Variants in USP48 observed in about 807,000 individuals in gnomAD.
The protein encoded by USP48 is ubiquitin carboxyl-terminal hydrolase 48.
In USP48, 43 loss-of-function variants were observed where a neutral mutation model predicts 150.7. The observed-to-expected ratio is 0.29, with a 90% CI of 0.22 to 0.37. The LOEUF is 0.37. USP48 is among the 10% of genes least tolerant of loss of function. The pLI is 1.00. For missense variants in USP48, 813 were observed against 1,249.6 expected (o/e 0.65, Z 5.27); for synonymous variants, 396 against 425.9 (o/e 0.93, Z 0.86).
At chr1:21,754,734 A>G (rs1206960040) in intron 3 of USP48, among the ~76,000 whole-genome samples, 2 of 152,120 alleles carry the variant, frequency 1.3e-5, no homozygotes, top group African/African-American at 4.8e-5. Flanking sequence ...ATAGCTTCAC[A>G]GTACAGTGCC....
chr1:21,680,660 G>C (rs987056693), intron 26 of USP48, 148 bp downstream of exon 26: 27 of 753,762 alleles, frequency 3.6e-5, no homozygotes, highest in Non-Finnish European at 5.3e-5. Context: ...GAAGAAGCTT[G>C]AGTAAGAAAT....
rs775228019 is a variant in USP48 at position 21,721,184 on chromosome 1, T to C, written c.1764-18A>G. 1 of 1,613,176 alleles carries C rather than the reference T, an allele frequency of 6.2e-7. No homozygotes were observed. The highest frequency in any genetic ancestry group is 1.1e-5 in the South Asian group (1 of 90,948). ...CATCGCTGCTGTGGAACAGAGAGAATGTTAAATCATATAAGTAATATTTCC... is the reference window on the plus strand; with the variant it reads ...CATCGCTGCTGTGGAACAGAGAGAACGTTAAATCATATAAGTAATATTTCC... On this transcript the variant is annotated intron_variant, in intron 13 of 26. Coordinates refer to ENST00000308271, the MANE Select transcript of USP48 (RefSeq NM_032236.8).
chr1:21,736,641 G>T lies in USP48; in HGVS notation c.992-16C>A, dbSNP rs1347372735. On this transcript the variant is annotated splice_polypyrimidine_tract_variant and intron_variant, in intron 8 of 26. Coordinates refer to ENST00000308271, the MANE Select transcript of USP48 (RefSeq NM_032236.8). ...TAGGACCCACCTGGAGAGAAAGGGA[G>T]AAAGTAAAAGAAACGTTGGATAACA... 1.5e-6 allele frequency: 2 copies of T among 1,369,764 alleles called. No individual in the cohort carries two copies. Among genetic ancestry groups the T allele is most frequent in the Non-Finnish European group, 1.9e-6 (2 of 1,054,770 alleles). 84.9% of individuals were successfully genotyped at this position (1,369,764 alleles called of 1,614,324 possible).
At chr1:21,742,186 G>A (rs921135152) in intron 8 of USP48, among the ~76,000 whole-genome samples, 2 of 151,874 alleles carry the variant, frequency 1.3e-5, no homozygotes, top group East Asian at 1.9e-4. Context: ...CACTCTCCCC[G>A]TTACTTCATG....
intron 1 of USP48, among the ~76,000 whole-genome samples, chr1:21,777,417 C>A (rs1214733438): frequency 1.3e-5 from 2 of 152,012 alleles, no homozygotes; most frequent in African/African-American, 4.8e-5. Flanking sequence ...CCTGTAATCC[C>A]AGTACTCTGG....
intron 24 of USP48, among the ~76,000 whole-genome samples, chr1:21,689,757 T>C (rs2097591779): frequency 6.6e-6 from 1 of 152,072 alleles, no homozygotes; most frequent in Admixed American, 6.6e-5. Flanking sequence ...TCACCTACTA[T>C]AACACACAAG....
intron 15 of USP48, among the ~76,000 whole-genome samples, chr1:21,712,185 C>G (rs960310411): frequency 6.6e-6 from 1 of 152,110 alleles, no homozygotes; most frequent in Admixed American, 6.5e-5. Flanking sequence ...ATGGCAAAAC[C>G]CCATATCTAC....
chr1:21,746,638 T>C (rs1324873301), intron 8 of USP48, among the ~76,000 whole-genome samples: 1 of 152,088 alleles, frequency 6.6e-6, no homozygotes, highest in African/African-American at 2.4e-5. Flanking sequence ...GTTGCAGATA[T>C]GAAAAATGAA....
At chr1:21,699,192 ATTTT>A (rs71016932) in intron 22 of USP48, among the ~76,000 whole-genome samples, 2 of 63,604 alleles carry the variant, frequency 3.1e-5, no homozygotes, top group Admixed American at 2.3e-4. Context: ...ACCACACCTA[ATTTT>A]TTTTTTTTTT....
Position 21,679,309 on chromosome 1 carries a change from G to T in USP48, c.*108C>A. The T allele has an allele frequency of 1.4e-6, 2 of 1,380,646 alleles. No homozygotes were observed. The highest frequency in any genetic ancestry group is 1.2e-5 in the South Asian group (1 of 85,924). 85.5% of individuals were successfully genotyped at this position (1,380,646 alleles called of 1,614,324 possible). ...TGAATGGATTTCTGCCTTTTGGAAG[G>T]GGCATGTAATGGTTTAATTCTTAAA... On this transcript the variant is annotated 3_prime_UTR_variant, in exon 27 of 27. Transcript: ENST00000308271.
chr1:21,750,405 C>T (rs2097807263), intron 6 of USP48, among the ~76,000 whole-genome samples: 1 of 152,116 alleles, frequency 6.6e-6, no homozygotes, highest in African/African-American at 2.4e-5. Flanking sequence ...CAGCACATTG[C>T]CCAGCGCCAC....
At chr1:21,770,710 G>C (rs1464258462) in intron 1 of USP48, among the ~76,000 whole-genome samples, 1 of 151,648 alleles carries the variant, frequency 6.6e-6, no homozygotes, top group African/African-American at 2.4e-5. Flanking sequence ...TCGAACTCCT[G>C]ACCTCAGGTG....
Position 21,782,932 on chromosome 1 carries a change from T to C in USP48, c.26A>G (p.Lys9Arg). The change falls in exon 1 of 27, where the codon AAG (lysine) becomes AGG (arginine). Residue 9 changes from lysine to arginine, a missense_variant. Physicochemically the swap from Lys to Arg is conservative, Grantham distance 26. Transcript: ENST00000308271. Reference sequence around the variant, plus strand: ...CGTCTCCGCCCAGCGCCAGGCCGCCTTCTCCAGCTGCAGCCGCGGGGCCAT... The same window carrying C: ...CGTCTCCGCCCAGCGCCAGGCCGCCCTCTCCAGCTGCAGCCGCGGGGCCAT... Reference protein sequence around the residue: MAPRLQLEKAAWRWAETVR... With the variant: MAPRLQLERAAWRWAETVR... The C allele has an allele frequency of 1.3e-6, 2 of 1,548,986 alleles. No homozygotes were observed. Among genetic ancestry groups the C allele is most frequent in the Non-Finnish European group, 1.7e-6 (2 of 1,149,084 alleles).
intron 14 of USP48, among the ~76,000 whole-genome samples, chr1:21,719,549 G>A (rs1253566742): frequency 6.6e-6 from 1 of 152,156 alleles, no homozygotes; most frequent in Non-Finnish European, 1.5e-5. Flanking sequence ...CAGGAGTTGG[G>A]AGACTAGCCT....
At chr1:21,727,895 CT>C (rs1286176298) in intron 11 of USP48, 1 of 981,314 alleles carries the variant, frequency 1.0e-6, no homozygotes, top group African/African-American at 1.7e-5. Flanking sequence ...TAAATTGTCT[CT>C]CTTCCTTAAG....
At chr1:21,760,844 C>A (rs2097848180) in intron 1 of USP48, among the ~76,000 whole-genome samples, 1 of 152,192 alleles carries the variant, frequency 6.6e-6, no homozygotes, top group African/African-American at 2.4e-5. Flanking sequence ...CCTGTAATCC[C>A]AGCACTTTGG....
intron 8 of USP48, among the ~76,000 whole-genome samples, chr1:21,737,445 A>G (rs902982630): frequency 6.6e-6 from 1 of 152,236 alleles, no homozygotes; most frequent in African/African-American, 2.4e-5. Flanking sequence ...ATCATAGCCT[A>G]TATTTTACAC....
chr1:21,728,150 A>C, intron 11 of USP48: 1 of 987,872 alleles, frequency 1.0e-6, no homozygotes, highest in Non-Finnish European at 1.2e-6. Context: ...TTAATCTAAT[A>C]GTATCAAAAA....
chr1:21,777,123 A>C (rs1038202765), intron 1 of USP48, among the ~76,000 whole-genome samples: 11 of 151,774 alleles, frequency 7.2e-5, no homozygotes, highest in African/African-American at 2.4e-4. Context: ...GAAAAAAAAA[A>C]ACAAAACACC....
Sources: gnomAD v4.1 joint callset for allele counts (sites outside exome capture counted in the v4.1 genomes callset) on GRCh38, gnomAD v4.1.1 for gene constraint, MANE v1.5 for transcripts, NCBI Gene and HGNC (gene_info 2026-07-23, HGNC 2026-07-21) for gene names.